The following ATF1 variants were observed in gnomAD, a reference collection of about 807,000 sequenced individuals.
ATF1 encodes the protein activating transcription factor 1.
In ATF1, 16 loss-of-function variants were observed where a neutral mutation model predicts 34.7. That is an observed-to-expected ratio of 0.46 (90% CI 0.31 to 0.70). ATF1 has a LOEUF of 0.70. Among genes scored for constraint, ATF1 ranks in the 30% least tolerant of loss-of-function variants. The pLI is 0.05. For missense variants in ATF1, 255 were observed against 321.6 expected (o/e 0.79, Z 1.58); for synonymous variants, 105 against 113.1 (o/e 0.93, Z 0.46).
chr12:50,773,202 T>C (rs1376477175), intron 1 of ATF1, among the ~76,000 whole-genome samples: 1 of 152,220 alleles, frequency 6.6e-6, no homozygotes, highest in Non-Finnish European at 1.5e-5. Flanking sequence ...GTCTTTGCTA[T>C]TGTGAATAGT....
At chr12:50,807,655 T>TC (rs201309499) in intron 3 of ATF1, among the ~76,000 whole-genome samples, 1,628 of 152,220 alleles carry the variant, frequency 0.011, 17 homozygotes, top group Non-Finnish European at 0.015. Context: ...CTTTGTGGAT[T>TC]ATTTTTTGTT....
At chr12:50,790,920 T>C (rs1375419694) in intron 2 of ATF1, among the ~76,000 whole-genome samples, 1 of 152,116 alleles carries the variant, frequency 6.6e-6, no homozygotes, top group African/African-American at 2.4e-5. Context: ...ACAGCAAGTT[T>C]TCTAAAATGC....
intron 1 of ATF1, among the ~76,000 whole-genome samples, chr12:50,765,399 T>C (rs1940608533): frequency 6.6e-6 from 1 of 152,256 alleles, no homozygotes; most frequent in African/African-American, 2.4e-5. Context: ...CGTTATCTTT[T>C]AGGGTTAGGT....
At chr12:50,776,510 AAAG>A (rs1349534331) in intron 1 of ATF1, among the ~76,000 whole-genome samples, 7 of 150,578 alleles carry the variant, frequency 4.6e-5, no homozygotes, top group East Asian at 3.9e-4. Context: ...AAAAAAAAAA[AAAG>A]AAGGAAAACA....
At chr12:50,805,219 G>A (rs1941591052) in intron 3 of ATF1, among the ~76,000 whole-genome samples, 2 of 151,970 alleles carry the variant, frequency 1.3e-5, no homozygotes, top group South Asian at 4.2e-4. Flanking sequence ...CTGAAATCAT[G>A]CACAGTATGC....
intron 2 of ATF1, among the ~76,000 whole-genome samples, chr12:50,795,257 A>G (rs535972177): frequency 6.6e-6 from 1 of 152,146 alleles, no homozygotes; most frequent in Non-Finnish European, 1.5e-5. Context: ...CTAGTTTTCC[A>G]TGGACAGCTC....
intron 2 of ATF1, among the ~76,000 whole-genome samples, chr12:50,786,802 G>A (rs1263714159): frequency 1.3e-5 from 2 of 152,100 alleles, no homozygotes; most frequent in Admixed American, 1.3e-4. Context: ...GACTGGGCCA[G>A]GACAACAAAG....
In ATF1 at chr12:50,820,242, A is replaced by G. The variant is rs868344551; in HGVS notation, c.*463A>G. ...ACAAAGGTAAGAGAAAACCTAGTAC[A>G]TTACTAAATATATAAAGTATATGTT... On this transcript the variant is annotated 3_prime_UTR_variant, in exon 7 of 7. Transcript: ENST00000262053. 11 of 198,552 alleles carry G rather than the reference A, an allele frequency of 5.5e-5. No individual in the cohort carries two copies. In the South Asian group the frequency reaches 1.9e-3, roughly 34 times the overall value. 12.3% of individuals were successfully genotyped at this position (198,552 alleles called of 1,614,324 possible). A position where few individuals can be genotyped will look rare whatever the true frequency, so the allele number is the denominator to read the frequency against.
Position 50,812,815 on chromosome 12 carries a change from C to A in ATF1, c.329-1195C>A, listed in dbSNP as rs564967601. 1.4e-4 allele frequency among the ~76,000 whole-genome samples: 22 copies of A among 151,920 alleles called. No individual in the cohort carries two copies. The South Asian group carries it at 1.5e-3, about 10-fold the overall frequency. On this transcript the variant is annotated intron_variant, in intron 4 of 6. Transcript: ENST00000262053. ...ACTCCAGCCTGGGTGACAAGTGAGA[C>A]CCTGTCTCAAAAAAAATAGCCAACA... is the stretch of plus-strand genomic sequence containing the variant.
chr12:50,772,318 C>CTTTTT (rs71086475), intron 1 of ATF1, among the ~76,000 whole-genome samples: 24 of 116,040 alleles, frequency 2.1e-4, no homozygotes, highest in Non-Finnish European at 1.7e-4. Context: ...TGCTCCATTC[C>CTTTTT]TTTTTTTTTT....
At chr12:50,770,422 A>C (rs750974848) in intron 1 of ATF1, among the ~76,000 whole-genome samples, 2 of 152,196 alleles carry the variant, frequency 1.3e-5, no homozygotes, top group Non-Finnish European at 2.9e-5. Flanking sequence ...TCACCTGTCC[A>C]GGAGCCCCAA....
In ATF1 at chr12:50,820,629, T is replaced by A; in HGVS notation, c.*850T>A. 5.6e-6 allele frequency: 1 copy of A among 177,628 alleles called. No homozygotes were observed. The highest frequency in any genetic ancestry group is 9.4e-5 in the East Asian group (1 of 10,664). The allele number at this position is 177,628 out of a possible 1,614,324, so 11.0% of individuals were successfully genotyped here. ...GAATGTTTACAGGCCCTTAAAATAT[T>A]ATTTTTAAAAAACCTTCTGAAGATA... On this transcript the variant is annotated 3_prime_UTR_variant, in exon 7 of 7. Coordinates refer to ENST00000262053, the MANE Select transcript of ATF1 (RefSeq NM_005171.5).
chr12:50,819,477 A>C (rs1321819092), intron 6 of ATF1, among the ~76,000 whole-genome samples, 158 bp from the exon 7 acceptor site: 1 of 152,236 alleles, frequency 6.6e-6, no homozygotes, highest in Non-Finnish European at 1.5e-5. Context: ...CAATTGCCAA[A>C]ACTGACTGAA....
At chr12:50,809,949 T>TC (rs1941700106) in intron 4 of ATF1, among the ~76,000 whole-genome samples, 1 of 152,314 alleles carries the variant, frequency 6.6e-6, no homozygotes, top group African/African-American at 2.4e-5. Context: ...TTCTCCTGCC[T>TC]CAGCCTCCGG....
upstream of ATF1, among the ~76,000 whole-genome samples, chr12:50,763,516 G>T (rs1221531948): frequency 6.6e-6 from 1 of 151,124 alleles, no homozygotes; most frequent in Non-Finnish European, 1.5e-5. Context: ...CCCATAGGCT[G>T]AGGTTGGAGA....
At chr12:50,807,038 A>G (rs1341923862) in intron 3 of ATF1, among the ~76,000 whole-genome samples, 1 of 152,222 alleles carries the variant, frequency 6.6e-6, no homozygotes, top group Admixed American at 6.5e-5. Context: ...GAAAAAACTG[A>G]AAGTATTTGG....
In ATF1 at chr12:50,776,651, A is replaced by G. The variant is rs145920174; in HGVS notation, c.-6-3489A>G. Among the ~76,000 whole-genome samples the G allele has an allele frequency of 3.9e-4, 60 of 152,220 alleles. No individual in the cohort carries two copies. The East Asian group carries it at 9.6e-3, about 24-fold the overall frequency. ...CATTAATTATTTTAAAAAAATTTCT[A>G]TTGCTTTCTTACGTGCTTTTGATAA... On this transcript the variant is annotated intron_variant, in intron 1 of 6. Transcript: ENST00000262053.
At chr12:50,814,480 T>C (rs1476852354) in intron 6 of ATF1, 41 bp downstream of exon 6, 1 of 1,583,600 alleles carries the variant, frequency 6.3e-7, no homozygotes, top group Non-Finnish European at 8.6e-7. Flanking sequence ...GTAATGTTTT[T>C]ACAAATCTCA....
chr12:50,819,804 T>G lies in ATF1; in HGVS notation c.*25T>G, dbSNP rs189980785. On this transcript the variant is annotated 3_prime_UTR_variant, in exon 7 of 7. Transcript: ENST00000262053. ...ATTCCTAAGAAAGAAAATATTTTTG[T>G]GGACATGCATAAAAATTAAATGGAT... 4.1e-4 allele frequency: 611 copies of G among 1,479,870 alleles called. 12 individuals are homozygous for G. The East Asian group carries it at 9.8e-3, about 24-fold the overall frequency. 91.7% of individuals were successfully genotyped at this position (1,479,870 alleles called of 1,614,324 possible).
Sources: allele counts gnomAD v4.1 joint callset (sites outside exome capture counted in the v4.1 genomes callset), GRCh38; gene constraint gnomAD v4.1.1; transcripts MANE v1.5; gene names NCBI Gene and HGNC (gene_info 2026-07-23, HGNC 2026-07-21).